SLC4A10: variants seen among roughly 807,000 people sequenced by gnomAD.
SLC4A10 encodes the protein sodium-driven chloride bicarbonate exchanger.
A neutral mutation model predicts 137.7 loss-of-function variants in SLC4A10; 42 were observed. The observed-to-expected ratio is 0.30, with a 90% CI of 0.24 to 0.39. The LOEUF is 0.39. SLC4A10 is among the 10% of genes least tolerant of loss of function. The pLI is 1.00. For missense variants in SLC4A10, 925 were observed against 1,355.0 expected (o/e 0.68, Z 4.98); for synonymous variants, 474 against 464.1 (o/e 1.02, Z -0.27).
At chr2:161,832,812 C>T (rs1030453848) in intron 3 of SLC4A10, among the ~76,000 whole-genome samples, 5 of 152,188 alleles carry the variant, frequency 3.3e-5, no homozygotes, top group East Asian at 1.9e-4. Flanking sequence ...GCGATCTCAG[C>T]TTACTGCAAG....
intron 1 of SLC4A10, among the ~76,000 whole-genome samples, chr2:161,661,212 C>A (rs541813220): frequency 1.3e-5 from 2 of 152,130 alleles, no homozygotes; most frequent in Admixed American, 1.3e-4. Context: ...CAGTAGCTCA[C>A]GCCTGTAATC....
chr2:161,706,735 C>T (rs368343255), intron 1 of SLC4A10, among the ~76,000 whole-genome samples: 65 of 151,666 alleles, frequency 4.3e-4, no homozygotes, highest in African/African-American at 1.5e-3. Flanking sequence ...TCTGTTCTTA[C>T]ACTTTATGGT....
At chr2:161,784,373 G>A (rs1293099392) in intron 2 of SLC4A10, among the ~76,000 whole-genome samples, 1 of 151,676 alleles carries the variant, frequency 6.6e-6, no homozygotes, top group Non-Finnish European at 1.5e-5. Context: ...AGGAAATAAA[G>A]GACTTCAACA....
At chr2:161,899,441 A>C (rs1368591653) in intron 11 of SLC4A10, among the ~76,000 whole-genome samples, 1 of 152,036 alleles carries the variant, frequency 6.6e-6, no homozygotes, top group Non-Finnish European at 1.5e-5. Flanking sequence ...CTACCATTTC[A>C]CTAAAATACA....
chr2:161,923,392 G>A (rs1017933747), intron 15 of SLC4A10, among the ~76,000 whole-genome samples: 3 of 152,096 alleles, frequency 2.0e-5, no homozygotes, highest in African/African-American at 4.8e-5. Flanking sequence ...TTCAGTCTAT[G>A]AGCTTGTGAT....
At chr2:161,730,238 TA>T (rs1160129677) in intron 1 of SLC4A10, among the ~76,000 whole-genome samples, 3 of 152,156 alleles carry the variant, frequency 2.0e-5, no homozygotes, top group Admixed American at 1.3e-4. Context: ...AGAGAAGACT[TA>T]GGACTAACAG....
intron 15 of SLC4A10, among the ~76,000 whole-genome samples, chr2:161,913,110 G>A (rs147617188): frequency 1.3e-5 from 2 of 152,182 alleles, no homozygotes; most frequent in East Asian, 3.9e-4. Flanking sequence ...CCCAATAAAT[G>A]TTTACTATAT....
chr2:161,852,304 A>C (rs983875562), intron 4 of SLC4A10, among the ~76,000 whole-genome samples: 2 of 152,244 alleles, frequency 1.3e-5, no homozygotes, highest in African/African-American at 4.8e-5. Flanking sequence ...AAAGTTCTTC[A>C]GTCAAAATAA....
intron 23 of SLC4A10, among the ~76,000 whole-genome samples, chr2:161,967,243 C>A (rs1697760894): frequency 6.6e-6 from 1 of 152,068 alleles, no homozygotes; most frequent in Middle Eastern, 3.2e-3. Flanking sequence ...TACATTGGCT[C>A]AGTGTGAGTG....
chr2:161,879,546 CTTTTTTTTTTT>C (rs71408189), intron 9 of SLC4A10, among the ~76,000 whole-genome samples: 4 of 125,056 alleles, frequency 3.2e-5, no homozygotes, highest in Non-Finnish European at 6.7e-5. Flanking sequence ...CATATGAATC[CTTTTTTTTTTT>C]TTTTTTTTTA....
At chr2:161,919,317 G>T (rs1687713618) in intron 15 of SLC4A10, among the ~76,000 whole-genome samples, 1 of 152,132 alleles carries the variant, frequency 6.6e-6, no homozygotes, top group Non-Finnish European at 1.5e-5. Context: ...AAAGGGGGCT[G>T]GTCCCCAGTG....
intron 22 of SLC4A10, among the ~76,000 whole-genome samples, chr2:161,964,628 A>G (rs1046958682): frequency 2.0e-5 from 3 of 152,144 alleles, no homozygotes; most frequent in East Asian, 3.9e-4. Context: ...TTAAAATAAC[A>G]TTGTATTAAA....
At chr2:161,649,021 T>C (rs2105559621) in intron 1 of SLC4A10, among the ~76,000 whole-genome samples, 1 of 152,316 alleles carries the variant, frequency 6.6e-6, no homozygotes, top group East Asian at 1.9e-4. Flanking sequence ...GACCCAATTT[T>C]TATGCAGTTT....
chr2:161,899,739 G>A (rs150383236), intron 11 of SLC4A10, among the ~76,000 whole-genome samples: 208 of 152,160 alleles, frequency 1.4e-3, no homozygotes, highest in African/African-American at 3.9e-3. Context: ...AGTAGGTATT[G>A]AGGGAAACTC....
intron 21 of SLC4A10, 24 bp downstream of exon 21, chr2:161,958,579 G>T: frequency 6.4e-7 from 1 of 1,563,542 alleles, no homozygotes; most frequent in Non-Finnish European, 8.8e-7. Flanking sequence ...AGTACTACAG[G>T]CACATCTGTG....
chr2:161,789,122 A>G (rs902336829), intron 2 of SLC4A10, among the ~76,000 whole-genome samples: 2 of 152,218 alleles, frequency 1.3e-5, no homozygotes, highest in Non-Finnish European at 2.9e-5. Context: ...GGCACCTGCC[A>G]TCTCAGTTAG....
At chr2:161,675,868 A>G (rs1271406576) in intron 1 of SLC4A10, among the ~76,000 whole-genome samples, 4 of 152,252 alleles carry the variant, frequency 2.6e-5, no homozygotes, top group Non-Finnish European at 5.9e-5. Flanking sequence ...ATCTTATATC[A>G]AGATGGCTTT....
intron 1 of SLC4A10, among the ~76,000 whole-genome samples, chr2:161,724,004 T>C (rs2045961299): frequency 6.6e-6 from 1 of 152,250 alleles, no homozygotes; most frequent in Admixed American, 6.5e-5. Flanking sequence ...AAAATGTTTT[T>C]GTCTTTCATA....
intron 5 of SLC4A10, among the ~76,000 whole-genome samples, chr2:161,860,243 A>T (rs1361578397): frequency 6.6e-6 from 1 of 152,102 alleles, no homozygotes; most frequent in Admixed American, 6.5e-5. Context: ...GTGTTTTTTA[A>T]TATTTACTTT....
Sources: allele counts gnomAD v4.1 joint callset (sites outside exome capture counted in the v4.1 genomes callset), GRCh38; gene constraint gnomAD v4.1.1; transcripts MANE v1.5; gene names NCBI Gene and HGNC (gene_info 2026-07-23, HGNC 2026-07-21).